Variants in FBN1 observed in about 807,000 individuals in gnomAD.
FBN1 encodes fibrillin-1.
A neutral mutation model predicts 365.1 loss-of-function variants in FBN1; 29 were observed. That is an observed-to-expected ratio of 0.08 (90% CI 0.06 to 0.11). The LOEUF (loss-of-function observed/expected upper bound fraction) is 0.11. Among genes scored for constraint, FBN1 ranks in the 10% least tolerant of loss-of-function variants. The pLI is 1.00. For synonymous variants in FBN1, 1,210 were observed against 1,270.5 expected (o/e 0.95, Z 1.01); for missense variants, 2,476 against 3,703.2 (o/e 0.67, Z 8.60).
intron 6 of FBN1, among the ~76,000 whole-genome samples, chr15:48,595,716 A>AT (rs2044510437): frequency 6.6e-6 from 1 of 152,134 alleles, no homozygotes; most frequent in Admixed American, 6.6e-5. Flanking sequence ...CATATGCAAA[A>AT]TTAAGGATAA....
intron 6 of FBN1, among the ~76,000 whole-genome samples, chr15:48,548,174 G>A (rs1397212163): frequency 2.0e-5 from 3 of 152,100 alleles, no homozygotes; most frequent in South Asian, 2.1e-4. Flanking sequence ...TTTTATGGTC[G>A]TCCATTTTTC....
chr15:48,435,320 G>A (rs2043057165), intron 53 of FBN1, among the ~76,000 whole-genome samples: 1 of 149,960 alleles, frequency 6.7e-6, no homozygotes, highest in Non-Finnish European at 1.5e-5. Context: ...GATGCTCTAA[G>A]GGTTAAAAAA....
intron 63 of FBN1, among the ~76,000 whole-genome samples, chr15:48,418,113 AT>A (rs899588555): frequency 1.3e-5 from 2 of 152,130 alleles, no homozygotes; most frequent in African/African-American, 2.4e-5. Flanking sequence ...AGGAGAAATG[AT>A]TTTTTTTATA....
Position 48,437,799 on chromosome 15 carries a change from G to A in FBN1, c.6282C>T (p.Asp2094=), listed in dbSNP as rs1397936107. The change falls in exon 51 of 66, where the codon GAC becomes GAT. Residue 2094 remains aspartate (D), a synonymous_variant. Transcript: ENST00000316623. ...GTTCCGTGGGGCAGAGCTCGCAGGG[G>A]TCTCCCCAGCCTTCTCCCTTCAAGG... ...CCALKGEGWG[D]PCELCPTEPD... 2 of 1,613,840 alleles carry A rather than the reference G, an allele frequency of 1.2e-6. No homozygotes were observed. Among genetic ancestry groups the A allele is most frequent in the Non-Finnish European group, 1.7e-6 (2 of 1,179,856 alleles).
chr15:48,645,083 G>A (rs28671768), intron 1 of FBN1, 133 bp from the exon 2 acceptor site: 1 of 225,016 alleles, frequency 4.4e-6, no homozygotes, highest in East Asian at 1.1e-4. Context: ...GGTAAGGGAA[G>A]ACCGTTTGGT....
chr15:48,487,226 C>A (rs764400546), intron 28 of FBN1, 26 bp from the exon 29 acceptor site: 1 of 1,614,140 alleles, frequency 6.2e-7, no homozygotes, highest in South Asian at 1.1e-5. Context: ...GAAGAACAAA[C>A]ACCCAAACAT....
chr15:48,481,248 C>T (rs941036117), intron 32 of FBN1, among the ~76,000 whole-genome samples: 4 of 152,072 alleles, frequency 2.6e-5, no homozygotes, highest in African/African-American at 9.7e-5. Context: ...AGGATGTTTT[C>T]CTTTAAAGAG....
At position 48,412,722 on chromosome 15, in the gene FBN1, G is replaced by A; in HGVS notation, c.8073C>T (p.Gly2691=). The A allele has an allele frequency of 6.2e-7, 1 of 1,614,226 alleles. No homozygotes were observed. The highest frequency in any genetic ancestry group is 8.5e-7 in the Non-Finnish European group (1 of 1,180,032). The part of the protein sequence containing the change: ...IGQGHCVSGM[G]MGRGNPEPPV... ...GTGGCTCTGGGTTTCCTCGGCCCAT[G>A]CCCATTCCAGAAACACAGTGCCTGC... Residue 2691 remains glycine, a synonymous_variant, in exon 65 of 66, where the codon GGC becomes GGT. Transcript: ENST00000316623.
chr15:48,530,505 A>C (rs1000199985), intron 8 of FBN1, among the ~76,000 whole-genome samples: 1 of 152,322 alleles, frequency 6.6e-6, no homozygotes, highest in Admixed American at 6.5e-5. Context: ...CGGGGCATCA[A>C]GGACGGGAGC....
In FBN1 at chr15:48,609,543, T is replaced by G. The variant is rs192605436; in HGVS notation, c.346+1185A>C. Among the ~76,000 whole-genome samples the G allele has an allele frequency of 3.7e-4, 57 of 152,376 alleles. 1 individual carries two copies. In the East Asian group the frequency reaches 4.2e-3, roughly 11 times the overall value. ...GTGAACAGCGAGGGCTCGGTCCCAC[T>G]GGGGAACTTCAGGAGACAGTGCAGA... is the stretch of plus-strand genomic sequence containing the variant. On this transcript the variant is annotated intron_variant, in intron 4 of 65. Transcript: ENST00000316623.
At chr15:48,428,908 C>T (rs978610907) in intron 56 of FBN1, among the ~76,000 whole-genome samples, 2 of 152,098 alleles carry the variant, frequency 1.3e-5, no homozygotes, top group African/African-American at 2.4e-5. Flanking sequence ...TTCCTATTTC[C>T]CAGACACCAA....
chr15:48,437,629 A>G (rs2043083588), intron 51 of FBN1, 139 bp downstream of exon 51: 1 of 1,029,328 alleles, frequency 9.7e-7, no homozygotes, highest in African/African-American at 1.6e-5. Context: ...CTGAGATAAA[A>G]TAATTTTTAA....
chr15:48,504,950 G>A (rs928441996), intron 16 of FBN1, 75 bp downstream of exon 16: 32 of 1,586,272 alleles, frequency 2.0e-5, no homozygotes, highest in African/African-American at 9.4e-5. Context: ...AGTAGAGAGC[G>A]TTTGTTACCA....
At chr15:48,628,748 G>A (rs1408031740) in intron 2 of FBN1, among the ~76,000 whole-genome samples, 1 of 152,194 alleles carries the variant, frequency 6.6e-6, no homozygotes, top group East Asian at 1.9e-4. Flanking sequence ...TACAGCATTA[G>A]TAAGTCAATA....
Position 48,537,669 on chromosome 15 carries a change from G to T in FBN1, c.678C>A (p.Ala226=). ...AWGHPCEMCP[A]QPHPCRRGFI... is the part of the protein sequence containing the mutation. ...AGCCACGGCGGCAGGGGTGAGGCTG[G>T]GCAGGACACATCTCACAGGGGTGGC... Residue 226 remains alanine (A), a synonymous_variant, in exon 7 of 66, where the codon GCC becomes GCA. Coordinates refer to ENST00000316623, the MANE Select transcript of FBN1 (RefSeq NM_000138.5). 6.2e-7 allele frequency: 1 copy of T among 1,614,178 alleles called. No individual in the cohort carries two copies. Among genetic ancestry groups the T allele is most frequent in the Non-Finnish European group, 8.5e-7 (1 of 1,180,036 alleles).
intron 60 of FBN1, among the ~76,000 whole-genome samples, chr15:48,422,682 A>G (rs985965779): frequency 6.6e-6 from 1 of 152,220 alleles, no homozygotes; most frequent in Non-Finnish European, 1.5e-5. Flanking sequence ...CTCCAGGCCA[A>G]GCGTGGTGGC....
intron 65 of FBN1, 68 bp downstream of exon 65, chr15:48,412,501 G>A (rs2042871318): frequency 3.2e-6 from 5 of 1,550,588 alleles, no homozygotes; most frequent in Non-Finnish European, 4.5e-6. Flanking sequence ...ATCCTTGGAG[G>A]AAACCACAGG....
chr15:48,640,103 G>T (rs1035288865), intron 2 of FBN1, among the ~76,000 whole-genome samples: 3 of 152,048 alleles, frequency 2.0e-5, no homozygotes, highest in Admixed American at 1.3e-4. Context: ...AAGGTTGAAG[G>T]GAAGTCTGTA....
At position 48,465,178 on chromosome 15, in the gene FBN1, TG is replaced by T. The variant is rs567330814; in HGVS notation, c.4942+389del. ...GCTTATTTGAATACATGAGCACCAATGGTAAGTGGTGAAGGATTAAAAGAAG... is the reference window on the plus strand; with the variant it reads ...GCTTATTTGAATACATGAGCACCAATGTAAGTGGTGAAGGATTAAAAGAAG... On this transcript the variant is annotated intron_variant, in intron 40 of 65. Transcript: ENST00000316623. Among the ~76,000 whole-genome samples, 642 of 152,200 alleles carry T rather than the reference TG, an allele frequency of 4.2e-3. 5 individuals carry two copies. Among genetic ancestry groups the T allele is most frequent in the Middle Eastern group, 6.8e-3 (2 of 294 alleles).
Sources: gnomAD v4.1 joint callset for allele counts (sites outside exome capture counted in the v4.1 genomes callset) on GRCh38, gnomAD v4.1.1 for gene constraint, MANE v1.5 for transcripts, NCBI Gene and HGNC (gene_info 2026-07-23, HGNC 2026-07-21) for gene names.